The following GOLGA3 variants were observed in gnomAD, a reference collection of about 807,000 sequenced individuals.
The protein encoded by GOLGA3 is golgin A3.
Under a neutral mutation model 169.4 loss-of-function variants are expected in GOLGA3, and 75 were observed. The ratio of observed to expected loss-of-function variants is 0.44; its 90% CI spans 0.37 to 0.54. The LOEUF is 0.54. Among genes scored for constraint, GOLGA3 ranks in the 20% least tolerant of loss-of-function variants. The probability of loss-of-function intolerance (pLI) is 0.00; values close to 1 mark genes in which losing one functional copy is unlikely to be tolerated. For synonymous variants in GOLGA3, 824 were observed against 822.4 expected, an observed-to-expected ratio of 1.00 and a Z score of -0.03; for missense variants, 1,899 against 1,930.0, an observed-to-expected ratio of 0.98 and a Z score of 0.30.
intron 11 of GOLGA3, 55 bp from the exon 12 acceptor site, chr12:132,791,348 T>TGCAGACAGATTCCC: frequency 2.1e-6 from 2 of 970,704 alleles, no homozygotes; most frequent in Non-Finnish European, 3.2e-6. Flanking sequence ...GGGGAATCTG[T>TGCAGACAGATTCCC]CTGCACAGAT....
Position 132,825,705 on chromosome 12 carries a change from C to A in GOLGA3, c.-184+3098G>T, listed in dbSNP as rs111238106. ...CTTTTTTCAGTGGCCGGGAAGATGG[C>A]GGACATTCAGACTGAGCGTGCCTAC... On this transcript the variant is annotated intron_variant, in intron 1 of 23. Transcript: ENST00000450791. 4.6e-4 allele frequency: 626 copies of A among 1,352,668 alleles called. 3 individuals are homozygous for A. In the African/African-American group the frequency reaches 7.9e-3, roughly 17 times the overall value. The allele number at this position is 1,352,668 out of a possible 1,614,324, so 83.8% of individuals were successfully genotyped here.
At chr12:132,797,453 G>A (rs1452443735) in intron 9 of GOLGA3, among the ~76,000 whole-genome samples, 2 of 152,236 alleles carry the variant, frequency 1.3e-5, no homozygotes, top group Admixed American at 6.5e-5. Flanking sequence ...GCTCACGCCT[G>A]TAATCCCAGC....
Position 132,786,761 on chromosome 12 carries a change from C to T in GOLGA3, c.2838G>A (p.Met946Ile), listed in dbSNP as rs772362060. The T allele has an allele frequency of 1.2e-6, 2 of 1,613,338 alleles. No homozygotes were observed. Among genetic ancestry groups the T allele is most frequent in the Non-Finnish European group, 1.7e-6 (2 of 1,179,426 alleles). ...LQSLQFDKEQ[M>I]VAVTEANEAL... ...CCTCATTGGCCTCTGTGACCGCGAC[C>T]ATCTGCTCCTTATCGAACTGCAACG... is the stretch of plus-strand genomic sequence containing the variant. Residue 946 changes from methionine to isoleucine, a missense_variant, in exon 14 of 24, where the codon ATG becomes ATA. Physicochemically the swap from Met to Ile is conservative, Grantham distance 10. Transcript: ENST00000450791.
chr12:132,804,129 G>C lies in GOLGA3; in HGVS notation c.1597+587C>G, dbSNP rs888422709. Among the ~76,000 whole-genome samples the C allele has an allele frequency of 1.3e-5, 2 of 152,214 alleles. No homozygotes were observed. Among genetic ancestry groups the C allele is most frequent in the Admixed American group, 6.5e-5 (1 of 15,278 alleles). On this transcript the variant is annotated intron_variant, in intron 7 of 23. Transcript: ENST00000450791. The surrounding 1 kb of genome is among the most constrained non-coding windows in gnomAD (Gnocchi z 4.1). ...ATCCACTGCCCTACTTGTACTCTCT[G>C]GGCGAGCCCTATAGGGAGGCAGCTG...
At chr12:132,784,033 G>A (rs2045760473) in intron 16 of GOLGA3, 131 bp downstream of exon 16, 16 of 1,530,910 alleles carry the variant, frequency 1.0e-5, no homozygotes, top group Non-Finnish European at 1.4e-5. Context: ...CGGTCAGAAG[G>A]TGGCAACACC....
chr12:132,825,690 T>C (rs878944761), intron 1 of GOLGA3: 2 of 1,146,920 alleles, frequency 1.7e-6, no homozygotes, highest in Admixed American at 1.7e-5. Context: ...CTTTTTTCAG[T>C]GGCCGGGAAG....
At chr12:132,786,638 G>A in intron 14 of GOLGA3, 55 bp downstream of exon 14, 2 of 915,640 alleles carry the variant, frequency 2.2e-6, no homozygotes, top group Admixed American at 4.7e-5. Flanking sequence ...CTCCCCCCCG[G>A]CCCCCGCACC....
intron 3 of GOLGA3, among the ~76,000 whole-genome samples, chr12:132,813,904 T>G (rs1949833883): frequency 6.6e-6 from 1 of 151,934 alleles, no homozygotes; most frequent in Non-Finnish European, 1.5e-5. Flanking sequence ...TTTTGTATTT[T>G]TAGTAGAGAC....
rs1427840510 is a variant in GOLGA3, at chr12:132,816,743, T to G, written c.203A>C (p.Gln68Pro). 1 of 1,613,774 alleles carries G rather than the reference T, an allele frequency of 6.2e-7. No homozygotes were observed. Among genetic ancestry groups the G allele is most frequent in the East Asian group, 2.2e-5 (1 of 44,876 alleles). The change falls in exon 3 of 24, where the codon CAG (glutamine) becomes CCG (proline). Residue 68 changes from glutamine to proline, a missense_variant. By Grantham distance (76) the Gln-to-Pro change is moderately conservative (BLOSUM62 -1). Coordinates refer to ENST00000450791, the MANE Select transcript of GOLGA3 (RefSeq NM_001389683.1). ...PDGPGQGGLC[Q>P]NGPTPPFPDP... ...TGGGAAGGGTGGCGTTGGCCCGTTC[T>G]GACAGAGGCCTCCCTGGCCAGGTCC...
intron 15 of GOLGA3, among the ~76,000 whole-genome samples, chr12:132,785,806 A>C (rs1016714087): frequency 1.3e-5 from 2 of 152,246 alleles, no homozygotes; most frequent in African/African-American, 2.4e-5. Flanking sequence ...CTACCACGAA[A>C]GGTGACAGAG....
chr12:132,788,975 G>GCCCCACC, intron 13 of GOLGA3, 52 bp downstream of exon 13: 1 of 907,726 alleles, frequency 1.1e-6, no homozygotes, highest in African/African-American at 1.9e-5. Flanking sequence ...CTCCCGACAA[G>GCCCCACC]CACTTTGGCC....
intron 1 of GOLGA3, among the ~76,000 whole-genome samples, chr12:132,824,754 A>T (rs1344837253): frequency 6.6e-6 from 1 of 152,214 alleles, no homozygotes; most frequent in Non-Finnish European, 1.5e-5. Flanking sequence ...AATGGGCCTT[A>T]GAGCCTAGGC....
At chr12:132,793,746 A>G (rs1158105421) in intron 11 of GOLGA3, among the ~76,000 whole-genome samples, 1 of 152,108 alleles carries the variant, frequency 6.6e-6, no homozygotes, top group Non-Finnish European at 1.5e-5. Context: ...CTGCACTCGG[A>G]GGGCTCCATA....
In GOLGA3 at chr12:132,780,854, C is replaced by T; in HGVS notation, c.3526G>A (p.Ala1176Thr). Residue 1176 changes from alanine to threonine, a missense_variant, in exon 18 of 24, where the codon GCC becomes ACC. Coordinates refer to ENST00000450791, the MANE Select transcript of GOLGA3 (RefSeq NM_001389683.1). The stretch of plus-strand genomic sequence containing the variant: ...TCCTTCTCTAGTGAGGCCTGCAGGG[C>T]CTGGACAAGATGCTTCATCTGGCGA... ...EDRQMKHLVQ[A>T]LQASLEKEKE... 6.2e-7 allele frequency: 1 copy of T among 1,612,502 alleles called. No individual in the cohort carries two copies.
intron 9 of GOLGA3, 104 bp from the exon 10 acceptor site, chr12:132,796,804 C>T: frequency 1.8e-6 from 2 of 1,104,682 alleles, no homozygotes; most frequent in Middle Eastern, 2.1e-4. Flanking sequence ...TGGCATGGGC[C>T]CCATCCACCT....
rs536396209 is a variant in GOLGA3, at chr12:132,771,121, C to T, written c.*1984G>A. ...GTATTATTTCAAAATTAACCCTGTA[C>T]AAATGATATATTTTGGAAATTCCAA... On this transcript the variant is annotated 3_prime_UTR_variant, in exon 24 of 24. Transcript: ENST00000450791. The T allele has an allele frequency of 5.9e-5, 9 of 152,530 alleles. No individual in the cohort carries two copies. Among genetic ancestry groups the T allele is most frequent in the Non-Finnish European group, 7.4e-5 (5 of 68,026 alleles). The allele number at this position is 152,530 out of a possible 1,614,324, so 9.4% of individuals were successfully genotyped here.
At chr12:132,783,874 G>C in intron 16 of GOLGA3, 1 of 1,422,028 alleles carries the variant, frequency 7.0e-7, no homozygotes, top group Non-Finnish European at 9.1e-7. Context: ...CTCGCCTGGC[G>C]AAGTTGGGTT....
intron 17 of GOLGA3, among the ~76,000 whole-genome samples, chr12:132,781,864 G>A (rs571916036): frequency 3.3e-5 from 5 of 152,260 alleles, no homozygotes; most frequent in Middle Eastern, 3.4e-3. Flanking sequence ...CAATGTCACC[G>A]TCTGGGACTG....
At chr12:132,827,546 C>T (rs1001348254) in intron 1 of GOLGA3, 3 of 152,160 alleles carry the variant, frequency 2.0e-5, no homozygotes, top group Non-Finnish European at 4.4e-5. Context: ...GTAATTATCA[C>T]GATTTTCCCT....
Sources: gnomAD v4.1 joint callset for allele counts (sites outside exome capture counted in the v4.1 genomes callset) on GRCh38, gnomAD v4.1.1 for gene constraint, Gnocchi (gnomAD v3.1) non-coding constraint, MANE v1.5 for transcripts, NCBI Gene and HGNC (gene_info 2026-07-23, HGNC 2026-07-21) for gene names.